RFX4: variants seen among roughly 807,000 people sequenced by gnomAD.
RFX4 encodes the protein transcription factor RFX4.
Under a neutral mutation model 95.0 loss-of-function variants are expected in RFX4, and 10 were observed. The observed-to-expected ratio is 0.11, with a 90% CI of 0.06 to 0.18. The LOEUF (loss-of-function observed/expected upper bound fraction) is 0.18. Ranked by LOEUF, RFX4 falls within the 10% of genes least tolerant of loss-of-function variation. The pLI is 1.00. For missense variants in RFX4, 640 were observed against 922.0 expected, an observed-to-expected ratio of 0.69 and a Z score of 3.96; for synonymous variants, 321 against 340.7, an observed-to-expected ratio of 0.94 and a Z score of 0.64.
Position 106,639,312 on chromosome 12 carries a change from CT to C in RFX4, c.131-15del. 1.2e-6 allele frequency: 2 copies of C among 1,610,104 alleles called. No individual in the cohort carries two copies. The highest frequency in any genetic ancestry group is 1.1e-5 in the South Asian group (1 of 89,836). On this transcript the variant is annotated intron_variant, in intron 2 of 17. Transcript: ENST00000392842. The stretch of plus-strand genomic sequence containing the variant: ...TACTGTTTCCTACTGAAGTTAGCTT[CT>C]TTTTCTTTCCTTTAACAGATGAGGA...
At chr12:106,597,401 G>A (rs572334862) in intron 1 of RFX4, among the ~76,000 whole-genome samples, 1 of 152,306 alleles carries the variant, frequency 6.6e-6, no homozygotes, top group African/African-American at 2.4e-5. Context: ...GGAGATCCAA[G>A]AATCAAACAG....
At chr12:106,620,034 TA>T (rs1287241773) in intron 2 of RFX4, among the ~76,000 whole-genome samples, 1 of 152,226 alleles carries the variant, frequency 6.6e-6, no homozygotes, top group African/African-American at 2.4e-5. Flanking sequence ...TCAAACATAT[TA>T]TCCATGGTTA....
chr12:106,749,094 A>G (rs1449347211), intron 16 of RFX4, among the ~76,000 whole-genome samples: 2 of 151,132 alleles, frequency 1.3e-5, no homozygotes, highest in Non-Finnish European at 3.0e-5. Context: ...AAAAAAAAAA[A>G]AAAAGAAAAG....
At chr12:106,654,156 C>T (rs984089230) in intron 3 of RFX4, 72 bp from the exon 4 acceptor site, 1 of 1,596,636 alleles carries the variant, frequency 6.3e-7, no homozygotes. Flanking sequence ...CTCTGGAGGA[C>T]TAGAAAGAAC....
chr12:106,601,580 G>A (rs562423606), intron 1 of RFX4, among the ~76,000 whole-genome samples: 69 of 152,228 alleles, frequency 4.5e-4, no homozygotes, highest in Non-Finnish European at 8.5e-4. Flanking sequence ...GTCAGGCAGC[G>A]TTTTCTGCAG....
chr12:106,724,999 T>G, intron 13 of RFX4, among the ~76,000 whole-genome samples: 1 of 143,988 alleles, frequency 6.9e-6, no homozygotes, highest in Non-Finnish European at 1.5e-5. Context: ...GGTGACGGAG[T>G]GAGACTCCAT....
chr12:106,760,021 A>C (rs1593028308), intron 17 of RFX4, among the ~76,000 whole-genome samples: 1 of 151,710 alleles, frequency 6.6e-6, no homozygotes, highest in South Asian at 2.1e-4. Context: ...TGTTGTCATA[A>C]CCCCTTCTCC....
chr12:106,607,130 A>C (rs2162281), intron 1 of RFX4, among the ~76,000 whole-genome samples: 10,765 of 152,202 alleles, frequency 0.071, 857 homozygotes, highest in African/African-American at 0.19. Flanking sequence ...GGGAAACCAC[A>C]CTGTCCAAAA....
At chr12:106,749,314 C>T (rs1038523311) in intron 16 of RFX4, among the ~76,000 whole-genome samples, 5 of 150,740 alleles carry the variant, frequency 3.3e-5, no homozygotes, top group African/African-American at 1.2e-4. Flanking sequence ...GGCCTCACCA[C>T]TCACAGGCCA....
chr12:106,642,797 CAG>C (rs2040660146), intron 3 of RFX4, among the ~76,000 whole-genome samples: 1 of 152,134 alleles, frequency 6.6e-6, no homozygotes, highest in African/African-American at 2.4e-5. Context: ...GACACCATGA[CAG>C]TGTGAAAACC....
At chr12:106,630,607 A>G (rs2040400142) in intron 2 of RFX4, among the ~76,000 whole-genome samples, 1 of 152,212 alleles carries the variant, frequency 6.6e-6, no homozygotes, top group South Asian at 2.1e-4. Context: ...CATGTTCCCA[A>G]CAGGTGAGTT....
chr12:106,610,237 C>CAA (rs398044781), intron 2 of RFX4, among the ~76,000 whole-genome samples: 64 of 77,108 alleles, frequency 8.3e-4, no homozygotes, highest in East Asian at 1.2e-3. Context: ...GACTCCATCT[C>CAA]AAAAAAAAAA....
chr12:106,611,685 A>AT (rs1292318405), intron 2 of RFX4, among the ~76,000 whole-genome samples: 1 of 151,408 alleles, frequency 6.6e-6, no homozygotes, highest in Non-Finnish European at 1.5e-5. Context: ...TAATTTTTGT[A>AT]TTTTTTTAGT....
At chr12:106,750,214 T>G (rs1593015056) in intron 16 of RFX4, among the ~76,000 whole-genome samples, 1 of 152,244 alleles carries the variant, frequency 6.6e-6, no homozygotes, top group East Asian at 1.9e-4. Flanking sequence ...CGGTAGCTCA[T>G]GCCTGTAATC....
chr12:106,711,613 G>C lies in RFX4; in HGVS notation c.993+102G>C, dbSNP rs931729793. On this transcript the variant is annotated intron_variant, in intron 10 of 17. Coordinates refer to ENST00000392842, the MANE Select transcript of RFX4 (RefSeq NM_213594.3). ...CCTGCAGGATCTTTCAGGTTAACAG[G>C]GCACTCTCTCTATTATTTTTTAATT... 8 of 889,824 alleles carry C rather than the reference G, an allele frequency of 9.0e-6. No individual in the cohort carries two copies. In the East Asian group the frequency reaches 1.2e-4, roughly 14 times the overall value. 55.1% of individuals were successfully genotyped at this position (889,824 alleles called of 1,614,324 possible).
intron 2 of RFX4, among the ~76,000 whole-genome samples, chr12:106,633,596 T>A (rs780830450): frequency 1.3e-5 from 2 of 152,190 alleles, no homozygotes; most frequent in Non-Finnish European, 2.9e-5. Context: ...TTTTTTTAGA[T>A]AAGGGCCTTC....
At chr12:106,712,447 C>T (rs2042208922) in intron 10 of RFX4, among the ~76,000 whole-genome samples, 1 of 152,168 alleles carries the variant, frequency 6.6e-6, no homozygotes, top group South Asian at 2.1e-4. Flanking sequence ...CACCTGCCTG[C>T]CCCCTTCCTG....
intron 3 of RFX4, among the ~76,000 whole-genome samples, chr12:106,647,412 T>C (rs2040769183): frequency 6.6e-6 from 1 of 152,204 alleles, no homozygotes; most frequent in Admixed American, 6.5e-5. Flanking sequence ...GGGGTAGTGA[T>C]AGCCAATATG....
At chr12:106,728,635 C>CT (rs2042550054) in intron 13 of RFX4, among the ~76,000 whole-genome samples, 1 of 152,148 alleles carries the variant, frequency 6.6e-6, no homozygotes, top group Admixed American at 6.5e-5. Context: ...GTAACTGCCT[C>CT]TCTCCTCTTG....
Sources: gnomAD v4.1 joint callset for allele counts (sites outside exome capture counted in the v4.1 genomes callset) on GRCh38, gnomAD v4.1.1 for gene constraint, MANE v1.5 for transcripts, NCBI Gene and HGNC (gene_info 2026-07-23, HGNC 2026-07-21) for gene names.